Variants in C8A observed in about 807,000 individuals in gnomAD.
C8A encodes complement C8 alpha chain, also known as complement component C8 alpha chain.
C8A carries 67 observed loss-of-function variants against 65.3 expected under a neutral mutation model. The ratio of observed to expected loss-of-function variants is 1.03; its 90% CI spans 0.84 to 1.26. The LOEUF is 1.26. C8A is among the 50% of genes most tolerant of loss of function. C8A has a pLI of 0.00. For synonymous variants in C8A, 290 were observed against 259.4 expected, an observed-to-expected ratio of 1.12 and a Z score of -1.13; for missense variants, 781 against 723.9, an observed-to-expected ratio of 1.08 and a Z score of -0.90.
intron 7 of C8A, 50 bp from the exon 8 acceptor site, chr1:56,906,617 G>C (rs746782649): frequency 6.2e-7 from 1 of 1,610,564 alleles, no homozygotes. Flanking sequence ...ACCATGTCAA[G>C]TGTCTTTTAA....
chr1:56,901,012 C>G (rs1048974979), intron 7 of C8A, among the ~76,000 whole-genome samples: 1 of 152,150 alleles, frequency 6.6e-6, no homozygotes, highest in East Asian at 1.9e-4. Flanking sequence ...GATAAAGGGA[C>G]TTTCTAGCAC....
At position 56,906,793 on chromosome 1, in the gene C8A, G is replaced by A. The variant is rs769554105; in HGVS notation, c.1222+1G>A. Reference sequence around the variant, plus strand: ...AAAAAATTTGGAGGTGGCAAAACTGGCAAGTGTTTAGTAATAGATCTCCCA... The same window carrying A: ...AAAAAATTTGGAGGTGGCAAAACTGACAAGTGTTTAGTAATAGATCTCCCA... On this transcript the variant is annotated splice_donor_variant, in intron 8 of 10. Transcript: ENST00000361249. LOFTEE classifies it high-confidence loss of function. 1.1e-5 allele frequency: 17 copies of A among 1,613,902 alleles called. No homozygotes were observed. In the African/African-American group the frequency reaches 1.7e-4, roughly 16 times the overall value.
chr1:56,863,828 C>G (rs941512292), intron 1 of C8A, among the ~76,000 whole-genome samples: 6 of 151,048 alleles, frequency 4.0e-5, no homozygotes, highest in African/African-American at 1.5e-4. Context: ...TATTTCCCTT[C>G]CCTCCCTCTC....
chr1:56,917,985 A>T lies in C8A; in HGVS notation c.*269A>T, dbSNP rs1293558099. The T allele has an allele frequency of 8.4e-6, 3 of 358,968 alleles. No homozygotes were observed. The highest frequency in any genetic ancestry group is 2.1e-5 in the African/African-American group (1 of 48,026). 22.2% of individuals were successfully genotyped at this position (358,968 alleles called of 1,614,324 possible). ...CAGCACTTTGGATCATCAAAAAAATAAAGTAAAATAGAAAACTGAGAAAAC... is the reference window on the plus strand; with the variant it reads ...CAGCACTTTGGATCATCAAAAAAATTAAGTAAAATAGAAAACTGAGAAAAC... On this transcript the variant is annotated 3_prime_UTR_variant, in exon 11 of 11. Coordinates refer to ENST00000361249, the MANE Select transcript of C8A (RefSeq NM_000562.3).
intron 2 of C8A, among the ~76,000 whole-genome samples, chr1:56,868,809 T>C (rs1644116169): frequency 6.6e-6 from 1 of 152,212 alleles, no homozygotes; most frequent in Non-Finnish European, 1.5e-5. Context: ...TTCTGCACTT[T>C]AGATCCAGCT....
intron 7 of C8A, among the ~76,000 whole-genome samples, chr1:56,890,327 A>G (rs1044284572): frequency 2.0e-5 from 3 of 152,138 alleles, no homozygotes; most frequent in African/African-American, 7.2e-5. Context: ...CCATAGTTTC[A>G]TCTGTTTATA....
chr1:56,867,767 G>T (rs748190591), intron 2 of C8A, 65 bp downstream of exon 2: 10 of 1,203,720 alleles, frequency 8.3e-6, no homozygotes, highest in Admixed American at 1.7e-5. Context: ...CATTCAAATG[G>T]AGATTAAGCA....
chr1:56,879,675 G>A (rs953690225), intron 4 of C8A, among the ~76,000 whole-genome samples: 1 of 152,178 alleles, frequency 6.6e-6, no homozygotes, highest in Non-Finnish European at 1.5e-5. Flanking sequence ...TTCTGCATTT[G>A]CAAAGTTGTC....
chr1:56,908,185 T>C, intron 9 of C8A, 72 bp downstream of exon 9: 1 of 1,462,618 alleles, frequency 6.8e-7, no homozygotes. Flanking sequence ...GATCATTTCA[T>C]ATTTCTTATT....
At position 56,858,569 on chromosome 1, in the gene C8A, G is replaced by T. The variant is rs569393343; in HGVS notation, c.77+3591G>T. Among the ~76,000 whole-genome samples, 130 of 152,262 alleles carry T rather than the reference G, an allele frequency of 8.5e-4. 1 individual carries two copies. Among genetic ancestry groups the T allele is most frequent in the Non-Finnish European group, 1.6e-3 (106 of 68,014 alleles). Reference sequence around the variant, plus strand: ...TTGATCCTAAAGAAGTTTCAATCATGATGTCCCTTTTTATTTTATTGCTTT... The same window carrying T: ...TTGATCCTAAAGAAGTTTCAATCATTATGTCCCTTTTTATTTTATTGCTTT... On this transcript the variant is annotated intron_variant, in intron 1 of 10. Coordinates refer to ENST00000361249, the MANE Select transcript of C8A (RefSeq NM_000562.3).
At chr1:56,871,304 T>A (rs548361642) in intron 2 of C8A, among the ~76,000 whole-genome samples, 1 of 152,334 alleles carries the variant, frequency 6.6e-6, no homozygotes, top group Admixed American at 6.5e-5. Context: ...GTCAGTTGAC[T>A]CCAAAAAGCT....
rs1345123380 is a variant in C8A, at chr1:56,912,645, A to C, written c.1603+20A>C. On this transcript the variant is annotated intron_variant, in intron 10 of 10. Transcript: ENST00000361249. The stretch of plus-strand genomic sequence containing the variant: ...CAGAAGGTAAGGTCCGTGCATCCCC[A>C]CCCAGTTCCAGCCTGTCCCAGCTCA... The C allele has an allele frequency of 7.5e-6, 12 of 1,608,324 alleles. No individual in the cohort carries two copies. In the Admixed American group the frequency reaches 1.8e-4, roughly 25 times the overall value.
At chr1:56,901,944 A>G (rs1360150) in intron 7 of C8A, among the ~76,000 whole-genome samples, 6,758 of 152,230 alleles carry the variant, frequency 0.044, 329 homozygotes, top group South Asian at 0.13. Flanking sequence ...CTCCTGAGTC[A>G]TCTTTATTTC....
chr1:56,881,658 G>A, intron 5 of C8A, 24 bp downstream of exon 5: 3 of 1,607,326 alleles, frequency 1.9e-6, no homozygotes, highest in Non-Finnish European at 2.6e-6. Context: ...GAGGGGCTCT[G>A]AGGCCACTGT....
At chr1:56,857,331 T>C (rs1489954975) in intron 1 of C8A, among the ~76,000 whole-genome samples, 3 of 129,916 alleles carry the variant, frequency 2.3e-5, no homozygotes, top group East Asian at 5.4e-4. Context: ...CACACACACA[T>C]CTAGAGTTAT....
Position 56,876,069 on chromosome 1 carries a change from C to T in C8A, c.324C>T (p.Cys108=). ...ACAGTCTCTTCTCTCCAGGTCGCTG[C>T]CTGAAACGCCACCTTGTGTGTAATG... ...QDFQCKETGR[C]LKRHLVCNGD... Residue 108 remains cysteine, a synonymous_variant, in exon 4 of 11, where the codon TGC becomes TGT. Coordinates refer to ENST00000361249, the MANE Select transcript of C8A (RefSeq NM_000562.3). The T allele has an allele frequency of 1.2e-6, 2 of 1,613,594 alleles. No homozygotes were observed. The highest frequency in any genetic ancestry group is 1.7e-6 in the Non-Finnish European group (2 of 1,179,792).
chr1:56,876,634 C>T (rs1274731323), intron 4 of C8A, among the ~76,000 whole-genome samples: 1 of 151,968 alleles, frequency 6.6e-6, no homozygotes, highest in Non-Finnish European at 1.5e-5. Flanking sequence ...TGGTGTGACA[C>T]AGTGTAAAGA....
intron 7 of C8A, among the ~76,000 whole-genome samples, chr1:56,903,231 T>A (rs568541415): frequency 6.6e-6 from 1 of 152,020 alleles, no homozygotes; most frequent in Admixed American, 6.5e-5. Flanking sequence ...AGGAATCTGG[T>A]GGGAGGTAAT....
chr1:56,874,802 A>T (rs3738563), intron 2 of C8A, 147 bp from the exon 3 acceptor site: 107,666 of 853,480 alleles, frequency 0.13, 7,936 homozygotes, highest in Non-Finnish European at 0.15. Flanking sequence ...CTGTTTATGC[A>T]TATTCATCCC....
Sources: gnomAD v4.1 joint callset for allele counts (sites outside exome capture counted in the v4.1 genomes callset) on GRCh38, gnomAD v4.1.1 for gene constraint, MANE v1.5 for transcripts, NCBI Gene and HGNC (gene_info 2026-07-23, HGNC 2026-07-21) for gene names.